The following ASPH variants were observed in gnomAD, a reference collection of about 807,000 sequenced individuals.
ASPH encodes the protein aspartyl/asparaginyl beta-hydroxylase.
In ASPH, 100 loss-of-function variants were observed where a neutral mutation model predicts 118.4. That is an observed-to-expected ratio of 0.84 (90% CI 0.72 to 1.00). ASPH has a LOEUF of 1.00. Among genes scored for constraint, ASPH ranks in the 50% least tolerant of loss-of-function variants. ASPH has a pLI of 0.00. For synonymous variants in ASPH, 315 were observed against 325.6 expected (o/e 0.97, Z 0.35); for missense variants, 920 against 919.5 (o/e 1.00, Z -0.01).
intron 17 of ASPH, among the ~76,000 whole-genome samples, chr8:61,564,066 G>A (rs1225369049): frequency 5.3e-5 from 8 of 152,168 alleles, no homozygotes; most frequent in African/African-American, 1.7e-4. Flanking sequence ...TCCCAGGGCC[G>A]AGGACAGGGT....
chr8:61,573,352 G>GA (rs1050368565), intron 16 of ASPH, among the ~76,000 whole-genome samples: 55 of 152,080 alleles, frequency 3.6e-4, no homozygotes, highest in African/African-American at 1.3e-3. Flanking sequence ...CACAGCATTA[G>GA]AAAAAACCTA....
intron 16 of ASPH, among the ~76,000 whole-genome samples, chr8:61,572,736 T>C (rs1305325345): frequency 2.0e-5 from 3 of 152,150 alleles, no homozygotes; most frequent in African/African-American, 4.8e-5. Flanking sequence ...GCATCTACTT[T>C]TGCCTCCATA....
At chr8:61,507,866 A>T (rs1346561672) in intron 24 of ASPH, among the ~76,000 whole-genome samples, 1 of 152,224 alleles carries the variant, frequency 6.6e-6, no homozygotes, top group African/African-American at 2.4e-5. Context: ...GCGGCCTGTG[A>T]CAGAGGTCTG....
At chr8:61,681,754 T>C (rs1828176567) in intron 2 of ASPH, among the ~76,000 whole-genome samples, 1 of 151,896 alleles carries the variant, frequency 6.6e-6, no homozygotes, top group Admixed American at 6.6e-5. Flanking sequence ...AAGACAATAC[T>C]ACCAAAACCT....
At chr8:61,506,929 A>T (rs1340293860) in intron 24 of ASPH, among the ~76,000 whole-genome samples, 2 of 152,198 alleles carry the variant, frequency 1.3e-5, no homozygotes, top group Non-Finnish European at 2.9e-5. Context: ...TGTAGTTTGT[A>T]CAGCAATGAC....
Position 61,546,941 on chromosome 8 carries a change from C to T in ASPH, c.1764+1130G>A, listed in dbSNP as rs187110641. On this transcript the variant is annotated intron_variant, in intron 21 of 24. Coordinates refer to ENST00000379454, the MANE Select transcript of ASPH (RefSeq NM_004318.4). The stretch of plus-strand genomic sequence containing the variant: ...TTGTCACTCTTCCTCTTCATCCCTG[C>T]TTCTTGCACATGTAAAATCAATTGT... Among the ~76,000 whole-genome samples the T allele has an allele frequency of 7.2e-4, 109 of 152,328 alleles. 1 individual carries two copies. Among genetic ancestry groups the T allele is most frequent in the Non-Finnish European group, 4.0e-4 (27 of 68,028 alleles).
chr8:61,576,302 G>A (rs149392946), intron 16 of ASPH, among the ~76,000 whole-genome samples: 114 of 152,298 alleles, frequency 7.5e-4, no homozygotes, highest in African/African-American at 2.5e-3. Flanking sequence ...GAAAGGAGAC[G>A]GTGGGAGATG....
chr8:61,670,777 G>C (rs1040777614), intron 3 of ASPH, among the ~76,000 whole-genome samples: 4 of 151,708 alleles, frequency 2.6e-5, no homozygotes, highest in African/African-American at 4.8e-5. Context: ...AAAGGTGAGT[G>C]AATGAGACAA....
chr8:61,551,369 C>CA (rs1443993350), intron 20 of ASPH, among the ~76,000 whole-genome samples: 8 of 152,190 alleles, frequency 5.3e-5, no homozygotes. Context: ...TCCTGACATG[C>CA]AAACTCAGAG....
At chr8:61,510,133 C>T (rs1808243421) in intron 24 of ASPH, among the ~76,000 whole-genome samples, 1 of 152,176 alleles carries the variant, frequency 6.6e-6, no homozygotes, top group Non-Finnish European at 1.5e-5. Flanking sequence ...ATTTACCACA[C>T]AACACTTTAT....
intron 1 of ASPH, among the ~76,000 whole-genome samples, chr8:61,707,683 C>T (rs1393136592): frequency 1.3e-5 from 2 of 152,026 alleles, no homozygotes; most frequent in South Asian, 2.1e-4. Flanking sequence ...AAAAAAGTGG[C>T]CTGCGATAGG....
At chr8:61,623,447 C>A (rs1291429175) in intron 13 of ASPH, among the ~76,000 whole-genome samples, 1 of 152,136 alleles carries the variant, frequency 6.6e-6, no homozygotes, top group Non-Finnish European at 1.5e-5. Flanking sequence ...CATTATTAAT[C>A]CCTTGACAGA....
intron 21 of ASPH, among the ~76,000 whole-genome samples, chr8:61,544,799 T>G (rs1267184712): frequency 6.6e-6 from 1 of 152,134 alleles, no homozygotes; most frequent in Non-Finnish European, 1.5e-5. Flanking sequence ...AGACACAATC[T>G]CAGAGAACTA....
chr8:61,689,905 A>G lies in ASPH; in HGVS notation c.104-5717T>C. 1.6e-6 allele frequency: 2 copies of G among 1,256,288 alleles called. 1 individual carries two copies. Among genetic ancestry groups the G allele is most frequent in the Middle Eastern group, 4.2e-4 (2 of 4,804 alleles). The allele number at this position is 1,256,288 out of a possible 1,614,324, so 77.8% of individuals were successfully genotyped here. A position where few individuals can be genotyped will look rare whatever the true frequency, so the allele number is the denominator to read the frequency against. On this transcript the variant is annotated intron_variant, in intron 1 of 24. Coordinates refer to ENST00000379454, the MANE Select transcript of ASPH (RefSeq NM_004318.4). ...TTATTTTTAGAGGCTAAATGCTGCT[A>G]ATCACCACTTAGGCTGAAGTGCACT... is the stretch of plus-strand genomic sequence containing the variant.
chr8:61,543,601 G>A (rs959511269), intron 21 of ASPH, among the ~76,000 whole-genome samples: 3 of 152,144 alleles, frequency 2.0e-5, no homozygotes, highest in African/African-American at 7.2e-5. Context: ...CCTTTGTTTA[G>A]TAAGTTCAGC....
chr8:61,657,361 A>AAC (rs1008842786), intron 3 of ASPH: 2 of 152,192 alleles, frequency 1.3e-5, no homozygotes, highest in African/African-American at 4.8e-5. Context: ...CCACTGTGGG[A>AAC]ACATTGCAGT....
Position 61,613,237 on chromosome 8 carries a change from C to T in ASPH, c.976+5741G>A, listed in dbSNP as rs922279556. On this transcript the variant is annotated intron_variant, in intron 14 of 24. Transcript: ENST00000379454. ...ATTACTCTCCATAATATGAGTAGTC[C>T]TGATCCAATCAGATGAAGGCCTTAA... is the stretch of plus-strand genomic sequence containing the variant. Among the ~76,000 whole-genome samples the T allele has an allele frequency of 2.6e-5, 4 of 152,122 alleles. No individual in the cohort carries two copies. In the East Asian group the frequency reaches 7.7e-4, roughly 29 times the overall value.
In ASPH at chr8:61,562,881, C is replaced by A; in HGVS notation, c.1301-1G>T. ...GTAAGCAGGGAACCTCTCATATGAC[C>A]TGAGTAGGTGGGAATTTAAAAAAAA... On this transcript the variant is annotated splice_acceptor_variant, in intron 17 of 24. Coordinates refer to ENST00000379454, the MANE Select transcript of ASPH (RefSeq NM_004318.4). LOFTEE classifies it high-confidence loss of function. 1 of 1,580,002 alleles carries A rather than the reference C, an allele frequency of 6.3e-7. No homozygotes were observed. Among genetic ancestry groups the A allele is most frequent in the East Asian group, 2.3e-5 (1 of 43,768 alleles).
At chr8:61,703,819 T>C (rs1209593779) in intron 1 of ASPH, among the ~76,000 whole-genome samples, 1 of 152,164 alleles carries the variant, frequency 6.6e-6, no homozygotes, top group African/African-American at 2.4e-5. Flanking sequence ...TTTAGAGCTA[T>C]TTTAAAAGGA....
Sources: gnomAD v4.1 joint callset for allele counts (sites outside exome capture counted in the v4.1 genomes callset) on GRCh38, gnomAD v4.1.1 for gene constraint, MANE v1.5 for transcripts, NCBI Gene and HGNC (gene_info 2026-07-23, HGNC 2026-07-21) for gene names.